TMEM132C: variants seen among roughly 807,000 people sequenced by gnomAD.
The protein encoded by TMEM132C is transmembrane protein 132C, also known as protein phosphatase 1, regulatory subunit 152.
A neutral mutation model predicts 61.4 loss-of-function variants in TMEM132C; 29 were observed. That is an observed-to-expected ratio of 0.47 (90% CI 0.35 to 0.64). The LOEUF is 0.64. Among genes scored for constraint, TMEM132C ranks in the 30% least tolerant of loss-of-function variants. TMEM132C has a pLI of 0.00. For missense variants in TMEM132C, 1,408 were observed against 1,476.9 expected (o/e 0.95, Z 0.76); for synonymous variants, 656 against 633.1 (o/e 1.04, Z -0.54).
At chr12:128,685,437 A>G (rs1023645848) in intron 5 of TMEM132C, among the ~76,000 whole-genome samples, 1 of 152,192 alleles carries the variant, frequency 6.6e-6, no homozygotes, top group African/African-American at 2.4e-5. Context: ...TGTCGCTGCC[A>G]TTGGGCTGTG....
intron 5 of TMEM132C, among the ~76,000 whole-genome samples, chr12:128,681,456 T>C (rs1954633527): frequency 6.6e-6 from 1 of 152,088 alleles, no homozygotes; most frequent in East Asian, 1.9e-4. Flanking sequence ...GGGGAAAACA[T>C]CTAGGGGTTC....
intron 2 of TMEM132C, among the ~76,000 whole-genome samples, chr12:128,433,539 T>G (rs1593051543): frequency 6.6e-6 from 1 of 152,194 alleles, no homozygotes; most frequent in African/African-American, 2.4e-5. Context: ...GGCAAAAATT[T>G]GGGAAACTGT....
At chr12:128,402,741 G>A (rs1040037209) in intron 1 of TMEM132C, among the ~76,000 whole-genome samples, 1 of 152,194 alleles carries the variant, frequency 6.6e-6, no homozygotes, top group Non-Finnish European at 1.5e-5. Flanking sequence ...CTTAACTTGC[G>A]GAAACACTGA....
At chr12:128,688,616 A>G (rs1954695843) in intron 5 of TMEM132C, among the ~76,000 whole-genome samples, 1 of 152,178 alleles carries the variant, frequency 6.6e-6, no homozygotes, top group African/African-American at 2.4e-5. Flanking sequence ...TAACAGAAAA[A>G]TCATTCTAAG....
intron 3 of TMEM132C, among the ~76,000 whole-genome samples, chr12:128,589,196 G>A (rs1322873815): frequency 6.6e-6 from 1 of 152,156 alleles, no homozygotes. Context: ...CCCGATGCAG[G>A]ACACGAAGGC....
chr12:128,267,930 G>C (rs982518629), intron 1 of TMEM132C, among the ~76,000 whole-genome samples: 1 of 152,228 alleles, frequency 6.6e-6, no homozygotes, highest in African/African-American at 2.4e-5. Flanking sequence ...CCCATCCACA[G>C]CTTCGGCACT....
At position 128,343,579 on chromosome 12, in the gene TMEM132C, T is replaced by C. The variant is rs73434645; in HGVS notation, c.86-71153T>C. On this transcript the variant is annotated intron_variant, in intron 1 of 8. Transcript: ENST00000435159. Reference sequence around the variant, plus strand: ...GTGATTGCAATATTCCACTAAATCATTTTTTTCTTTAATAAGTTTTATTGA... The same window carrying C: ...GTGATTGCAATATTCCACTAAATCACTTTTTTCTTTAATAAGTTTTATTGA... 5.3e-3 allele frequency among the ~76,000 whole-genome samples: 813 copies of C among 152,312 alleles called. 9 individuals carry two copies. Among genetic ancestry groups the C allele is most frequent in the African/African-American group, 0.018 (763 of 41,564 alleles).
chr12:128,683,688 C>T (rs1250866109), intron 5 of TMEM132C, among the ~76,000 whole-genome samples: 1 of 152,222 alleles, frequency 6.6e-6, no homozygotes, highest in Admixed American at 6.5e-5. Flanking sequence ...TGTTGGTCGC[C>T]AGGCGCAGTG....
At chr12:128,474,735 T>C (rs143567682) in intron 2 of TMEM132C, among the ~76,000 whole-genome samples, 5 of 152,192 alleles carry the variant, frequency 3.3e-5, no homozygotes, top group African/African-American at 1.2e-4. Context: ...ATTTTTGTTA[T>C]GAATTCTGGA....
At chr12:128,555,938 A>G (rs1019537464) in intron 3 of TMEM132C, among the ~76,000 whole-genome samples, 6 of 152,106 alleles carry the variant, frequency 3.9e-5, no homozygotes, top group African/African-American at 1.4e-4. Context: ...GGTTGGCCTC[A>G]AACTCTTGGG....
intron 5 of TMEM132C, among the ~76,000 whole-genome samples, chr12:128,680,847 C>G (rs1426836231): frequency 6.6e-6 from 1 of 152,184 alleles, no homozygotes; most frequent in Non-Finnish European, 1.5e-5. Flanking sequence ...TCAGATTTTA[C>G]TTGAGCCAAA....
chr12:128,553,447 A>G (rs1424943129), intron 3 of TMEM132C, among the ~76,000 whole-genome samples: 1 of 152,190 alleles, frequency 6.6e-6, no homozygotes, highest in Non-Finnish European at 1.5e-5. Flanking sequence ...TACAGAGTAT[A>G]TCGAAGTATT....
intron 2 of TMEM132C, among the ~76,000 whole-genome samples, chr12:128,532,838 G>C (rs954144709): frequency 5.9e-5 from 9 of 152,014 alleles, no homozygotes; most frequent in Non-Finnish European, 1.3e-4. Context: ...ATGAGGCCTG[G>C]GTGGCCATGC....
chr12:128,398,758 C>A (rs1474910025), intron 1 of TMEM132C, among the ~76,000 whole-genome samples: 1 of 152,074 alleles, frequency 6.6e-6, no homozygotes, highest in Admixed American at 6.6e-5. Flanking sequence ...ACAAAGAAGT[C>A]GATATATGAT....
At chr12:128,425,572 C>T (rs1869151737) in intron 2 of TMEM132C, among the ~76,000 whole-genome samples, 2 of 152,182 alleles carry the variant, frequency 1.3e-5, no homozygotes, top group Non-Finnish European at 2.9e-5. Context: ...AACAAATTGT[C>T]CCAAACTTGG....
At chr12:128,644,550 A>G (rs1399616470) in intron 4 of TMEM132C, among the ~76,000 whole-genome samples, 3 of 152,226 alleles carry the variant, frequency 2.0e-5, no homozygotes, top group Admixed American at 1.3e-4. Context: ...AAAAAAGGCA[A>G]AACTATAGGG....
chr12:128,553,027 G>A (rs967522856), intron 3 of TMEM132C, among the ~76,000 whole-genome samples: 2 of 152,258 alleles, frequency 1.3e-5, no homozygotes, highest in Non-Finnish European at 2.9e-5. Flanking sequence ...CAGGTGCAGG[G>A]AAGTGCTGTG....
At chr12:128,431,608 G>T (rs34459880) in intron 2 of TMEM132C, among the ~76,000 whole-genome samples, 26,214 of 143,426 alleles carry the variant, frequency 0.18, 2,769 homozygotes, top group East Asian at 0.32. Flanking sequence ...AAGCTGGAGT[G>T]CAGTGGCACG....
At chr12:128,545,340 T>A (rs1406490766) in intron 3 of TMEM132C, among the ~76,000 whole-genome samples, 2 of 152,252 alleles carry the variant, frequency 1.3e-5, no homozygotes, top group Admixed American at 1.3e-4. Flanking sequence ...CTATGGTGGA[T>A]GTATACCAGA....
Sources: gnomAD v4.1 joint callset for allele counts (sites outside exome capture counted in the v4.1 genomes callset) on GRCh38, gnomAD v4.1.1 for gene constraint, MANE v1.5 for transcripts, NCBI Gene and HGNC (gene_info 2026-07-23, HGNC 2026-07-21) for gene names.